Variants in SMC6 observed in about 807,000 individuals in gnomAD.
SMC6 encodes structural maintenance of chromosomes protein 6.
In SMC6, 79 loss-of-function variants were observed where a neutral mutation model predicts 142.2. The ratio of observed to expected loss-of-function variants is 0.56; its 90% CI spans 0.46 to 0.67. SMC6 has a LOEUF of 0.67. SMC6 is among the 30% of genes least tolerant of loss of function. The pLI, the probability that SMC6 is intolerant of heterozygous loss-of-function variation, is 0.00. For synonymous variants in SMC6, 411 were observed against 412.4 expected (o/e 1.00, Z 0.04); for missense variants, 1,072 against 1,284.0 (o/e 0.83, Z 2.52).
chr2:17,739,879 AACACACACACACACACACACACACAC>A (rs60784309), intron 4 of SMC6, among the ~76,000 whole-genome samples: 2 of 115,456 alleles, frequency 1.7e-5, no homozygotes, highest in African/African-American at 3.3e-5. Flanking sequence ...GAATATGGTA[AACACACACACACACACACACACACAC>A]ACACACACAC....
chr2:17,732,101 AT>A (rs2125047820), intron 5 of SMC6, among the ~76,000 whole-genome samples: 1 of 152,374 alleles, frequency 6.6e-6, no homozygotes, highest in East Asian at 1.9e-4. Context: ...CTTCAAAAAA[AT>A]AATTGACTGA....
rs35471536 is a variant in SMC6 at position 17,726,087 on chromosome 2, T to TAAAAAAAAAAAAAAAAA, written c.624+285_624+301dup. On this transcript the variant is annotated intron_variant, in intron 8 of 27. Transcript: ENST00000448223. ...TGGAAGACAGAGCAAGGCTCTGTCT[T>TAAAAAAAAAAAAAAAAA]AAAAAAAAAAAAAAAAAAAAAAAAA... 1.8e-4 allele frequency among the ~76,000 whole-genome samples: 10 copies of TAAAAAAAAAAAAAAAAA among 54,966 alleles called. 1 individual carries two copies. Among genetic ancestry groups the TAAAAAAAAAAAAAAAAA allele is most frequent in the African/African-American group, 6.3e-4 (7 of 11,032 alleles). 36.1% of individuals were successfully genotyped at this position (54,966 alleles called of 152,430 possible). A position where few individuals can be genotyped will look rare whatever the true frequency, so the allele number is the denominator to read the frequency against.
chr2:17,731,442 AT>A (rs375403165), intron 6 of SMC6, among the ~76,000 whole-genome samples: 1 of 152,210 alleles, frequency 6.6e-6, no homozygotes, highest in African/African-American at 2.4e-5. Flanking sequence ...TTTGCTAACC[AT>A]TTATTTCCAC....
intron 7 of SMC6, among the ~76,000 whole-genome samples, chr2:17,728,853 A>G (rs1452923862): frequency 6.6e-6 from 1 of 152,098 alleles, no homozygotes; most frequent in Non-Finnish European, 1.5e-5. Context: ...GGTTCAAACA[A>G]TTCTCTCACA....
At chr2:17,727,742 A>C (rs1198061316) in intron 7 of SMC6, among the ~76,000 whole-genome samples, 1 of 152,226 alleles carries the variant, frequency 6.6e-6, no homozygotes, top group Non-Finnish European at 1.5e-5. Flanking sequence ...TAAATGAAAA[A>C]CACTTTAAAC....
At chr2:17,727,940 T>C (rs1669713552) in intron 7 of SMC6, among the ~76,000 whole-genome samples, 1 of 152,212 alleles carries the variant, frequency 6.6e-6, no homozygotes, top group Admixed American at 6.5e-5. Flanking sequence ...CTGCCATATA[T>C]TTTTTCACAA....
At chr2:17,683,883 A>C (rs1268774703) in intron 23 of SMC6, 120 bp from the exon 24 acceptor site, 1 of 843,182 alleles carries the variant, frequency 1.2e-6, no homozygotes, top group East Asian at 2.5e-5. Flanking sequence ...AAGGGGGCCT[A>C]GTAGCAGTCA....
chr2:17,709,657 T>C (rs1281653795), intron 16 of SMC6, among the ~76,000 whole-genome samples: 1 of 152,168 alleles, frequency 6.6e-6, no homozygotes, highest in Non-Finnish European at 1.5e-5. Context: ...AAGGGAGCAG[T>C]ATACAAAACA....
At chr2:17,692,150 A>T in intron 23 of SMC6, among the ~76,000 whole-genome samples, 1 of 152,240 alleles carries the variant, frequency 6.6e-6, no homozygotes, top group Non-Finnish European at 1.5e-5. Flanking sequence ...TTATAGATTC[A>T]CTGCCATCCC....
At position 17,671,633 on chromosome 2, in the gene SMC6, AT is replaced by A. The variant is rs1474862107; in HGVS notation, c.2911-1059del. Among the ~76,000 whole-genome samples the A allele has an allele frequency of 2.5e-4, 34 of 135,254 alleles. 1 individual carries two copies. The East Asian group carries it at 5.8e-3, about 23-fold the overall frequency. 88.7% of individuals were successfully genotyped at this position (135,254 alleles called of 152,430 possible). On this transcript the variant is annotated intron_variant, in intron 25 of 27. Coordinates refer to ENST00000448223, the MANE Select transcript of SMC6 (RefSeq NM_001142286.2). The stretch of plus-strand genomic sequence containing the variant: ...CAAAAAAAAAAAAAAAAAAAAAAAA[AT>A]TTCTTTTGTATTGTATTTATTTTGA...
intron 15 of SMC6, 94 bp from the exon 16 acceptor site, chr2:17,715,159 A>AT: frequency 8.6e-7 from 1 of 1,163,844 alleles, no homozygotes; most frequent in East Asian, 2.6e-5. Context: ...AATGACTTAT[A>AT]TTTTTATATA....
chr2:17,717,766 G>C (rs1415690839), intron 12 of SMC6, among the ~76,000 whole-genome samples: 1 of 152,172 alleles, frequency 6.6e-6, no homozygotes, highest in Non-Finnish European at 1.5e-5. Flanking sequence ...TAAATCACTT[G>C]AGGCCAAGAG....
At chr2:17,714,633 T>G (rs1668991049) in intron 16 of SMC6, among the ~76,000 whole-genome samples, 1 of 152,144 alleles carries the variant, frequency 6.6e-6, no homozygotes, top group South Asian at 2.1e-4. Flanking sequence ...CCATACTACA[T>G]CTGTTTCCCT....
chr2:17,717,130 T>G lies in SMC6; in HGVS notation c.1139A>C (p.Asp380Ala). 6.2e-7 allele frequency: 1 copy of G among 1,612,744 alleles called. No homozygotes were observed. Among genetic ancestry groups the G allele is most frequent in the East Asian group, 2.2e-5 (1 of 44,770 alleles). ...SLNEYKALKK[D>A]DEQLCKRIEE... ...AATTCGTTTACAAAGCTGCTCATCA[T>G]CTTTCTTTAATGCTTTATATTCGTT... The change falls in exon 13 of 28, where the codon GAT becomes GCT. Residue 380 changes from aspartate to alanine, a missense_variant. Coordinates refer to ENST00000448223, the MANE Select transcript of SMC6 (RefSeq NM_001142286.2).
At position 17,734,024 on chromosome 2, in the gene SMC6, G is replaced by T. The variant is rs551722114; in HGVS notation, c.345-2147C>A. 2.0e-5 allele frequency among the ~76,000 whole-genome samples: 3 copies of T among 152,310 alleles called. No individual in the cohort carries two copies. In the East Asian group the frequency reaches 5.8e-4, roughly 29 times the overall value. On this transcript the variant is annotated intron_variant, in intron 5 of 27. Transcript: ENST00000448223. The stretch of plus-strand genomic sequence containing the variant: ...ACTTTTCACAAGGAGAGACAGGAGA[G>T]CATAGTGCACACACACAGAAGTACA...
chr2:17,745,867 T>A lies in SMC6; in HGVS notation c.80A>T (p.Asp27Val). Residue 27 changes from aspartate (D) to valine (V), a missense_variant, in exon 3 of 28, where the codon GAT (aspartate) becomes GTT (valine). Asp to Val is a radical substitution (Grantham distance 152, BLOSUM62 -3). Coordinates refer to ENST00000448223, the MANE Select transcript of SMC6 (RefSeq NM_001142286.2). ...ACATTCGTCTTCGTCACCATCTTTATCAAAATCCTCCAATTCTTCTTGTCT... is the reference window on the plus strand; with the variant it reads ...ACATTCGTCTTCGTCACCATCTTTAACAAAATCCTCCAATTCTTCTTGTCT... The part of the protein sequence containing the change: ...RPRQEELEDF[D>V]KDGDEDECKG... The A allele has an allele frequency of 6.2e-7, 1 of 1,612,688 alleles. No homozygotes were observed. Among genetic ancestry groups the A allele is most frequent in the South Asian group, 1.1e-5 (1 of 90,650 alleles).
At chr2:17,708,913 A>G (rs1486776763) in intron 16 of SMC6, among the ~76,000 whole-genome samples, 160 bp from the exon 17 acceptor site, 1 of 151,986 alleles carries the variant, frequency 6.6e-6, no homozygotes, top group East Asian at 1.9e-4. Context: ...ATCTGGTAAC[A>G]TTTGAAAACA....
At chr2:17,665,942 C>T (rs1666475333) in intron 27 of SMC6, among the ~76,000 whole-genome samples, 1 of 152,044 alleles carries the variant, frequency 6.6e-6, no homozygotes, top group Admixed American at 6.5e-5. Context: ...ATTTAGATCC[C>T]CATATAATCA....
At chr2:17,696,144 G>T in intron 22 of SMC6, 145 bp downstream of exon 22, 2 of 982,206 alleles carry the variant, frequency 2.0e-6, no homozygotes, top group Non-Finnish European at 2.9e-6. Flanking sequence ...CTCTTCTGTT[G>T]ATTCACCCAA....
Sources: gnomAD v4.1 joint callset for allele counts (sites outside exome capture counted in the v4.1 genomes callset) on GRCh38, gnomAD v4.1.1 for gene constraint, MANE v1.5 for transcripts, NCBI Gene and HGNC (gene_info 2026-07-23, HGNC 2026-07-21) for gene names.